TMEM132D: variants seen among roughly 807,000 people sequenced by gnomAD.
TMEM132D encodes the protein transmembrane protein 132D.
A neutral mutation model predicts 62.3 loss-of-function variants in TMEM132D; 21 were observed. The ratio of observed to expected loss-of-function variants is 0.34; its 90% CI spans 0.24 to 0.49. The LOEUF (loss-of-function observed/expected upper bound fraction) is 0.49. Ranked by LOEUF, TMEM132D falls within the 20% of genes least tolerant of loss-of-function variation. The probability of loss-of-function intolerance (pLI) is 0.99; values close to 1 mark genes in which losing one functional copy is unlikely to be tolerated. For missense variants in TMEM132D, 1,346 were observed against 1,402.8 expected (o/e 0.96, Z 0.65); for synonymous variants, 621 against 575.6 (o/e 1.08, Z -1.13).
intron 4 of TMEM132D, among the ~76,000 whole-genome samples, chr12:129,312,076 T>G (rs10847830): frequency 0.23 from 34,228 of 151,866 alleles, 4,961 homozygotes; most frequent in East Asian, 0.41. Context: ...GGTAGTGGAG[T>G]GGGGTCGCAA....
intron 3 of TMEM132D, among the ~76,000 whole-genome samples, chr12:129,401,242 A>T (rs1871612106): frequency 6.6e-6 from 1 of 152,184 alleles, no homozygotes; most frequent in Non-Finnish European, 1.5e-5. Context: ...CAGTTACAGG[A>T]CCACCCCATA....
chr12:129,757,452 C>T (rs575846338), intron 1 of TMEM132D, among the ~76,000 whole-genome samples: 1 of 152,248 alleles, frequency 6.6e-6, no homozygotes, highest in East Asian at 1.9e-4. Flanking sequence ...AAATTCCTAT[C>T]CTCAGCCAAA....
At chr12:129,152,400 G>C (rs959515557) in intron 5 of TMEM132D, among the ~76,000 whole-genome samples, 3 of 152,142 alleles carry the variant, frequency 2.0e-5, no homozygotes, top group African/African-American at 4.8e-5. Context: ...GTCAGGGGAG[G>C]GAAGACAGGA....
At chr12:129,775,463 C>T (rs1870890683) in intron 1 of TMEM132D, among the ~76,000 whole-genome samples, 1 of 152,154 alleles carries the variant, frequency 6.6e-6, no homozygotes, top group Non-Finnish European at 1.5e-5. Flanking sequence ...GAGAAAAGTA[C>T]AAATCGCCCC....
chr12:129,288,746 T>C (rs1881369613), intron 4 of TMEM132D, among the ~76,000 whole-genome samples: 1 of 152,116 alleles, frequency 6.6e-6, no homozygotes, highest in South Asian at 2.1e-4. Flanking sequence ...TCCAAAATAA[T>C]GGAAAGCAGG....
At chr12:129,613,837 C>G (rs1157080570) in intron 2 of TMEM132D, among the ~76,000 whole-genome samples, 3 of 151,664 alleles carry the variant, frequency 2.0e-5, no homozygotes, top group Non-Finnish European at 4.4e-5. Flanking sequence ...CTGCAGAACC[C>G]AGGGGATCGG....
chr12:129,331,568 A>G (rs1455632549), intron 4 of TMEM132D, among the ~76,000 whole-genome samples: 1 of 152,252 alleles, frequency 6.6e-6, no homozygotes, highest in Admixed American at 6.5e-5. Flanking sequence ...AAAATCCCAC[A>G]GGAGAGCAGA....
At position 129,337,669 on chromosome 12, in the gene TMEM132D, G is replaced by C. The variant is rs1238483581; in HGVS notation, c.1264C>G (p.Pro422Ala). 1 of 1,614,076 alleles carries C rather than the reference G, an allele frequency of 6.2e-7. No homozygotes were observed. The highest frequency in any genetic ancestry group is 8.5e-7 in the Non-Finnish European group (1 of 1,180,000). Residue 422 changes from proline to alanine, a missense_variant, in exon 4 of 9, where the codon CCA (proline) becomes GCA (alanine). By Grantham distance (27) the Pro-to-Ala change is conservative. Transcript: ENST00000422113. ...GGCACAACTCCAATCAAGTCCTTTG[G>C]GCTCACATAGATCTTGGACACTCCC... Reference protein sequence around the residue: ...DLGVSKIYVSPKDLIGVVPLA... With the variant: ...DLGVSKIYVSAKDLIGVVPLA...
At position 129,499,092 on chromosome 12, in the gene TMEM132D, A is replaced by C. The variant is rs202227368; in HGVS notation, c.1115+31967T>G. Among the ~76,000 whole-genome samples the C allele has an allele frequency of 2.6e-5, 4 of 152,228 alleles. No individual in the cohort carries two copies. The East Asian group carries it at 7.7e-4, about 29-fold the overall frequency. On this transcript the variant is annotated intron_variant, in intron 3 of 8. Transcript: ENST00000422113. ...CTGTAATATTCTGGGAGCTGGAACT[A>C]GTATAGGAAGAGAAAAAGGAAAATA...
intron 5 of TMEM132D, among the ~76,000 whole-genome samples, chr12:129,094,094 G>T (rs1368649880): frequency 6.6e-6 from 1 of 151,986 alleles, no homozygotes; most frequent in Non-Finnish European, 1.5e-5. Context: ...GAAAACCTAG[G>T]CTTTACCATT....
At chr12:129,511,568 T>C (rs896684207) in intron 3 of TMEM132D, among the ~76,000 whole-genome samples, 3 of 152,216 alleles carry the variant, frequency 2.0e-5, no homozygotes, top group African/African-American at 7.2e-5. Context: ...AGTTTAAATT[T>C]GTATTTCTTT....
intron 5 of TMEM132D, among the ~76,000 whole-genome samples, chr12:129,142,534 A>G (rs945337993): frequency 2.0e-5 from 3 of 152,194 alleles, no homozygotes; most frequent in Non-Finnish European, 4.4e-5. Context: ...TTGTGATTCT[A>G]ATTATATGTT....
chr12:129,316,222 T>C (rs146658197), intron 4 of TMEM132D, among the ~76,000 whole-genome samples: 203 of 152,302 alleles, frequency 1.3e-3, no homozygotes, highest in African/African-American at 4.6e-3. Context: ...TCTTGCTCCT[T>C]AAGGTGTGAC....
chr12:129,811,333 C>A (rs945026129), intron 1 of TMEM132D, among the ~76,000 whole-genome samples: 1 of 151,632 alleles, frequency 6.6e-6, no homozygotes, highest in Admixed American at 6.6e-5. Context: ...CTTGGAGGCT[C>A]ACACCCAGCA....
intron 5 of TMEM132D, chr12:129,113,324 T>G (rs1318210702): frequency 1.3e-5 from 2 of 152,232 alleles, no homozygotes. Context: ...ATTGGCTTTC[T>G]GTCCAGGGGG....
At chr12:129,693,725 A>T (rs891036056) in intron 2 of TMEM132D, among the ~76,000 whole-genome samples, 8 of 152,186 alleles carry the variant, frequency 5.3e-5, no homozygotes, top group African/African-American at 1.7e-4. Context: ...TCCCCTGTAG[A>T]GAGCATGCGT....
At chr12:129,436,781 T>C (rs538376311) in intron 3 of TMEM132D, among the ~76,000 whole-genome samples, 1 of 152,282 alleles carries the variant, frequency 6.6e-6, no homozygotes, top group African/African-American at 2.4e-5. Flanking sequence ...ATGGTACACA[T>C]ACATGTATAC....
intron 3 of TMEM132D, among the ~76,000 whole-genome samples, chr12:129,525,093 T>G (rs1479362450): frequency 6.7e-6 from 1 of 149,732 alleles, no homozygotes; most frequent in Non-Finnish European, 1.5e-5. Context: ...ACTCAGCTAA[T>G]TTATTTGTAT....
At chr12:129,532,046 A>G (rs917099400) in intron 2 of TMEM132D, among the ~76,000 whole-genome samples, 3 of 152,176 alleles carry the variant, frequency 2.0e-5, no homozygotes, top group African/African-American at 7.2e-5. Context: ...ACAAAGTGAG[A>G]TCCTGCCTCA....
Sources: gnomAD v4.1 joint callset for allele counts (sites outside exome capture counted in the v4.1 genomes callset) on GRCh38, gnomAD v4.1.1 for gene constraint, MANE v1.5 for transcripts, NCBI Gene and HGNC (gene_info 2026-07-23, HGNC 2026-07-21) for gene names.